The following SGCZ variants were observed in gnomAD, a reference collection of about 807,000 sequenced individuals.
SGCZ encodes the protein sarcoglycan zeta.
In SGCZ, 40 loss-of-function variants were observed where a neutral mutation model predicts 41.3. The observed-to-expected ratio is 0.97, with a 90% CI of 0.75 to 1.26. The LOEUF (loss-of-function observed/expected upper bound fraction) is 1.26, where lower values mean the gene tolerates loss of function less well. Ranked by LOEUF, SGCZ falls within the 50% of genes most tolerant of loss-of-function variation. The pLI is 0.00. For synonymous variants in SGCZ, 206 were observed against 137.5 expected (o/e 1.50, Z -3.49); for missense variants, 552 against 369.8 (o/e 1.49, Z -4.04).
chr8:14,930,925 G>C (rs990175040), intron 1 of SGCZ, among the ~76,000 whole-genome samples: 8 of 151,910 alleles, frequency 5.3e-5, no homozygotes, highest in Non-Finnish European at 1.0e-4. Flanking sequence ...GATGACAGTT[G>C]ATGGGTGCAG....
intron 2 of SGCZ, among the ~76,000 whole-genome samples, chr8:14,348,524 GT>G (rs1001265720): frequency 2.6e-5 from 4 of 151,994 alleles, no homozygotes; most frequent in Non-Finnish European, 5.9e-5. Context: ...GATTGAAATG[GT>G]TTTGAATATA....
chr8:15,015,435 C>A (rs904932933), intron 1 of SGCZ, among the ~76,000 whole-genome samples: 1 of 151,554 alleles, frequency 6.6e-6, no homozygotes, highest in Non-Finnish European at 1.5e-5. Flanking sequence ...CACGGTGGCT[C>A]ACACTTGTAA....
At position 14,404,434 on chromosome 8, in the gene SGCZ, G is replaced by A. The variant is rs146507898; in HGVS notation, c.235-80230C>T. Reference sequence around the variant, plus strand: ...ATTTTTGAGCATTCAAAGAGGCAGGGGAGAAAGTAAGAGAATTCAGATAAT... The same window carrying A: ...ATTTTTGAGCATTCAAAGAGGCAGGAGAGAAAGTAAGAGAATTCAGATAAT... On this transcript the variant is annotated intron_variant, in intron 2 of 7. Coordinates refer to ENST00000382080, the MANE Select transcript of SGCZ (RefSeq NM_139167.4). Among the ~76,000 whole-genome samples, 74 of 152,120 alleles carry A rather than the reference G, an allele frequency of 4.9e-4. No individual in the cohort carries two copies. The East Asian group carries it at 0.013, about 26-fold the overall frequency.
At chr8:14,992,914 T>G (rs1438358546) in intron 1 of SGCZ, among the ~76,000 whole-genome samples, 1 of 147,122 alleles carries the variant, frequency 6.8e-6, no homozygotes, top group East Asian at 2.1e-4. Flanking sequence ...TACTCCCAAA[T>G]CTACTCCCAA....
At chr8:15,092,752 C>G (rs904155746) in intron 1 of SGCZ, among the ~76,000 whole-genome samples, 1 of 152,100 alleles carries the variant, frequency 6.6e-6, no homozygotes, top group African/African-American at 2.4e-5. Flanking sequence ...CTCTCTATTA[C>G]ACATTGATCA....
chr8:14,255,011 C>T (rs1244263560), intron 3 of SGCZ, among the ~76,000 whole-genome samples: 2 of 152,074 alleles, frequency 1.3e-5, no homozygotes, highest in Non-Finnish European at 2.9e-5. Context: ...AGTTTGGCTG[C>T]TTTTGCTGCC....
At chr8:14,520,178 A>G (rs1456742867) in intron 2 of SGCZ, among the ~76,000 whole-genome samples, 1 of 152,122 alleles carries the variant, frequency 6.6e-6, no homozygotes, top group East Asian at 1.9e-4. Context: ...GGTTCACACT[A>G]TGTAAGAATG....
chr8:14,151,804 A>C (rs1018372334), intron 5 of SGCZ, among the ~76,000 whole-genome samples: 4 of 152,170 alleles, frequency 2.6e-5, no homozygotes, highest in Non-Finnish European at 5.9e-5. Flanking sequence ...AATACACACC[A>C]ATTTACCTAA....
At chr8:14,754,769 A>G (rs1245351143) in intron 1 of SGCZ, among the ~76,000 whole-genome samples, 2 of 152,148 alleles carry the variant, frequency 1.3e-5, no homozygotes, top group East Asian at 3.9e-4. Flanking sequence ...GTGCAGTGGT[A>G]TAACCTCGGT....
chr8:15,105,793 CA>C (rs1290539419), intron 1 of SGCZ, among the ~76,000 whole-genome samples: 1 of 152,112 alleles, frequency 6.6e-6, no homozygotes, highest in Non-Finnish European at 1.5e-5. Context: ...CAAATCTTAC[CA>C]AAATTGGTTT....
At chr8:14,442,947 G>T (rs1020289121) in intron 2 of SGCZ, among the ~76,000 whole-genome samples, 1 of 152,056 alleles carries the variant, frequency 6.6e-6, no homozygotes, top group East Asian at 1.9e-4. Context: ...AAGCTGATAA[G>T]CAACTTCAGC....
chr8:14,241,804 T>C (rs988548414), intron 3 of SGCZ, among the ~76,000 whole-genome samples: 7 of 152,196 alleles, frequency 4.6e-5, no homozygotes, highest in Non-Finnish European at 7.3e-5. Context: ...ATATTCTTCA[T>C]GCCAAGGGCA....
intron 1 of SGCZ, among the ~76,000 whole-genome samples, chr8:15,019,108 G>C (rs946293238): frequency 6.6e-6 from 1 of 152,188 alleles, no homozygotes; most frequent in African/African-American, 2.4e-5. Context: ...CTCCCAGCAA[G>C]TCCCTCTCTC....
In SGCZ at chr8:14,856,480, A is replaced by G. The variant is rs1803549648; in HGVS notation, c.40-301554T>C. 2.0e-5 allele frequency among the ~76,000 whole-genome samples: 3 copies of G among 152,192 alleles called. No homozygotes were observed. The South Asian group carries it at 6.2e-4, about 31-fold the overall frequency. On this transcript the variant is annotated intron_variant, in intron 1 of 7. Coordinates refer to ENST00000382080, the MANE Select transcript of SGCZ (RefSeq NM_139167.4). ...TTTATGCATGTGGCCAAAGTTTTCC[A>G]CACTCAGCTTGGCAAAGGTTTTTAA...
intron 2 of SGCZ, among the ~76,000 whole-genome samples, chr8:14,484,504 G>T (rs907164940): frequency 1.3e-5 from 2 of 152,056 alleles, no homozygotes; most frequent in African/African-American, 4.8e-5. Context: ...TTGCTATCTT[G>T]GTTAGCAGTT....
chr8:15,128,348 C>T (rs1807781140), intron 1 of SGCZ, among the ~76,000 whole-genome samples: 1 of 152,240 alleles, frequency 6.6e-6, no homozygotes, highest in African/African-American at 2.4e-5. Context: ...TTATTCTCAG[C>T]ATTTTACCTC....
chr8:15,166,918 G>T (rs112874195), intron 1 of SGCZ, among the ~76,000 whole-genome samples: 32 of 152,272 alleles, frequency 2.1e-4, no homozygotes, highest in African/African-American at 7.2e-4. Flanking sequence ...AAATGTTCAT[G>T]AATATCAAGC....
chr8:14,284,260 T>C (rs114259989), intron 3 of SGCZ, among the ~76,000 whole-genome samples: 213 of 152,202 alleles, frequency 1.4e-3, no homozygotes, highest in African/African-American at 4.7e-3. Flanking sequence ...AGGGTGGTGG[T>C]ACACAGCTTT....
At chr8:14,944,442 G>C (rs1448149171) in intron 1 of SGCZ, among the ~76,000 whole-genome samples, 1 of 152,160 alleles carries the variant, frequency 6.6e-6, no homozygotes, top group South Asian at 2.1e-4. Context: ...GAATATGTGA[G>C]TTATGAGTAT....
Sources: gnomAD v4.1 joint callset for allele counts (sites outside exome capture counted in the v4.1 genomes callset) on GRCh38, gnomAD v4.1.1 for gene constraint, MANE v1.5 for transcripts, NCBI Gene and HGNC (gene_info 2026-07-23, HGNC 2026-07-21) for gene names.